The following KCNQ3 variants were observed in gnomAD, a reference collection of about 807,000 sequenced individuals.
The protein encoded by KCNQ3 is potassium voltage-gated channel subfamily Q member 3, also known as potassium voltage-gated channel subfamily KQT member 3.
Under a neutral mutation model 92.5 loss-of-function variants are expected in KCNQ3, and 30 were observed. The ratio of observed to expected loss-of-function variants is 0.32; its 90% CI spans 0.24 to 0.44. KCNQ3 has a LOEUF of 0.44. Ranked by LOEUF, KCNQ3 falls within the 20% of genes least tolerant of loss-of-function variation. The pLI is 1.00. For synonymous variants in KCNQ3, 450 were observed against 468.8 expected (o/e 0.96, Z 0.52); for missense variants, 913 against 1,140.3 (o/e 0.80, Z 2.87).
intron 1 of KCNQ3, among the ~76,000 whole-genome samples, chr8:132,242,259 C>T (rs1445192432): frequency 1.3e-5 from 2 of 152,196 alleles, no homozygotes; most frequent in East Asian, 3.9e-4. Context: ...TGAACACCTA[C>T]TGTCCATAGG....
chr8:132,460,362 G>C (rs1289742448), intron 1 of KCNQ3, among the ~76,000 whole-genome samples: 1 of 152,114 alleles, frequency 6.6e-6, no homozygotes, highest in Admixed American at 6.5e-5. Flanking sequence ...TTAAACATGA[G>C]TTTACATGCA....
chr8:132,276,097 G>A (rs1418054312), intron 1 of KCNQ3, among the ~76,000 whole-genome samples: 1 of 152,218 alleles, frequency 6.6e-6, no homozygotes, highest in Non-Finnish European at 1.5e-5. Flanking sequence ...GGGGACCACA[G>A]AATAGGCCTT....
chr8:132,343,371 T>C (rs1397350198), intron 1 of KCNQ3, among the ~76,000 whole-genome samples: 1 of 152,198 alleles, frequency 6.6e-6, no homozygotes, highest in Non-Finnish European at 1.5e-5. Flanking sequence ...TGTTCATATC[T>C]TGCACAAGAG....
chr8:132,227,060 CTT>C (rs923601765), intron 1 of KCNQ3, among the ~76,000 whole-genome samples: 39 of 82,512 alleles, frequency 4.7e-4, no homozygotes, highest in Admixed American at 8.1e-4. Flanking sequence ...ATATCTCACT[CTT>C]TTTTTTTTTT....
chr8:132,224,111 C>CTTTTTTTTTTTTTTTT (rs1178797269), intron 1 of KCNQ3, among the ~76,000 whole-genome samples: 86 of 63,758 alleles, frequency 1.3e-3, no homozygotes, highest in African/African-American at 1.9e-3. Context: ...TTTTTTTTTG[C>CTTTTTTTTTTTTTTTT]TTTTGGAGAG....
chr8:132,461,097 A>G (rs1357259700), intron 1 of KCNQ3, among the ~76,000 whole-genome samples: 2 of 152,202 alleles, frequency 1.3e-5, no homozygotes, highest in African/African-American at 4.8e-5. Context: ...ACCAAATACA[A>G]TAGTTTATTG....
At chr8:132,462,638 G>A (rs1395643841) in intron 1 of KCNQ3, among the ~76,000 whole-genome samples, 1 of 152,194 alleles carries the variant, frequency 6.6e-6, no homozygotes, top group Non-Finnish European at 1.5e-5. Context: ...CAGAATATCT[G>A]AAGCCAATCC....
chr8:132,184,583 G>A (rs1453678541), intron 2 of KCNQ3, among the ~76,000 whole-genome samples: 1 of 152,140 alleles, frequency 6.6e-6, no homozygotes, highest in African/African-American at 2.4e-5. Context: ...TCATTCTGAT[G>A]TGCTAATTGT....
chr8:132,463,309 AC>A (rs750317860), intron 1 of KCNQ3, among the ~76,000 whole-genome samples: 135 of 152,344 alleles, frequency 8.9e-4, no homozygotes, highest in Non-Finnish European at 1.7e-3. Flanking sequence ...GGAAGAAAGA[AC>A]CCAGGCATAA....
chr8:132,445,718 A>G (rs1380020174), intron 1 of KCNQ3, among the ~76,000 whole-genome samples: 7 of 133,234 alleles, frequency 5.3e-5, no homozygotes, highest in Admixed American at 4.7e-4. Flanking sequence ...TCATTTACTG[A>G]GCTCTTACTA....
intron 1 of KCNQ3, among the ~76,000 whole-genome samples, chr8:132,453,642 G>A (rs1249158199): frequency 6.6e-6 from 1 of 152,076 alleles, no homozygotes; most frequent in African/African-American, 2.4e-5. Flanking sequence ...CTTCCTGTGA[G>A]CTGGATCATG....
intron 3 of KCNQ3, among the ~76,000 whole-genome samples, chr8:132,180,862 G>A (rs928595236): frequency 2.1e-5 from 3 of 145,358 alleles, no homozygotes; most frequent in Non-Finnish European, 4.7e-5. Context: ...CAATGTTGGG[G>A]GTGTTATCAA....
intron 9 of KCNQ3, among the ~76,000 whole-genome samples, chr8:132,160,159 T>C (rs1825940624): frequency 1.3e-5 from 2 of 152,224 alleles, no homozygotes; most frequent in South Asian, 4.2e-4. Flanking sequence ...GGGGGCTACA[T>C]AAAATGTGAG....
intron 1 of KCNQ3, among the ~76,000 whole-genome samples, chr8:132,312,401 C>T (rs1160260359): frequency 6.6e-6 from 1 of 152,098 alleles, no homozygotes; most frequent in Non-Finnish European, 1.5e-5. Flanking sequence ...AAACAGAGAA[C>T]AGCTATGACA....
intron 1 of KCNQ3, among the ~76,000 whole-genome samples, chr8:132,371,523 A>G (rs1819473229): frequency 2.0e-5 from 3 of 152,204 alleles, no homozygotes; most frequent in Admixed American, 2.0e-4. Context: ...CTGGCAAGTA[A>G]ATAAATACAA....
At chr8:132,153,040 A>G (rs1404814008) in intron 9 of KCNQ3, among the ~76,000 whole-genome samples, 6 of 149,544 alleles carry the variant, frequency 4.0e-5, no homozygotes, top group Non-Finnish European at 7.4e-5. Flanking sequence ...TAAGTTTGTC[A>G]TTAAATTCTC....
At chr8:132,244,872 GCA>G (rs1358086091) in intron 1 of KCNQ3, among the ~76,000 whole-genome samples, 1 of 136,448 alleles carries the variant, frequency 7.3e-6, no homozygotes, top group Non-Finnish European at 1.5e-5. Context: ...ATTTATAGAA[GCA>G]CAGTTTTTAT....
intron 1 of KCNQ3, among the ~76,000 whole-genome samples, chr8:132,187,871 T>C (rs1827042740): frequency 7.5e-6 from 1 of 132,866 alleles, no homozygotes; most frequent in Non-Finnish European, 1.6e-5. Flanking sequence ...GTGGTGGTGG[T>C]GATAGTGATG....
chr8:132,313,638 C>A (rs1563854566), intron 1 of KCNQ3, among the ~76,000 whole-genome samples: 1 of 152,042 alleles, frequency 6.6e-6, no homozygotes, highest in Admixed American at 6.6e-5. Flanking sequence ...GAGGAAATAT[C>A]TTACTTCTGA....
Sources: gnomAD v4.1 joint callset for allele counts (sites outside exome capture counted in the v4.1 genomes callset) on GRCh38, gnomAD v4.1.1 for gene constraint, MANE v1.5 for transcripts, NCBI Gene and HGNC (gene_info 2026-07-23, HGNC 2026-07-21) for gene names.